The following HECW1 variants were observed in gnomAD, a reference collection of about 807,000 sequenced individuals.
HECW1 encodes the protein E3 ubiquitin-protein ligase HECW1.
Under a neutral mutation model 182.3 loss-of-function variants are expected in HECW1, and 61 were observed. That is an observed-to-expected ratio of 0.33 (90% CI 0.27 to 0.41). The LOEUF is 0.41. Ranked by LOEUF, HECW1 falls within the 10% of genes least tolerant of loss-of-function variation. HECW1 has a pLI of 1.00. For synonymous variants in HECW1, 859 were observed against 832.6 expected, an observed-to-expected ratio of 1.03 and a Z score of -0.55; for missense variants, 1,739 against 2,108.9, an observed-to-expected ratio of 0.82 and a Z score of 3.44.
intron 2 of HECW1, among the ~76,000 whole-genome samples, chr7:43,184,283 G>A (rs561498732): frequency 6.6e-6 from 1 of 152,188 alleles, no homozygotes; most frequent in South Asian, 2.1e-4. Flanking sequence ...AAAGTGCTGG[G>A]ATTACAGGCG....
chr7:43,274,293 GTACT>G (rs1393229913), intron 3 of HECW1: 2 of 1,038,576 alleles, frequency 1.9e-6, no homozygotes, highest in Non-Finnish European at 2.8e-6. Flanking sequence ...CCCGCTTCTG[GTACT>G]TTGTATCTCA....
chr7:43,188,795 G>A (rs1793639639), intron 2 of HECW1, among the ~76,000 whole-genome samples: 1 of 152,198 alleles, frequency 6.6e-6, no homozygotes, highest in Non-Finnish European at 1.5e-5. Context: ...GTGGCTGGAG[G>A]GGGAAGAACT....
intron 2 of HECW1, among the ~76,000 whole-genome samples, chr7:43,222,860 C>T (rs892489437): frequency 3.3e-5 from 5 of 152,136 alleles, no homozygotes; most frequent in African/African-American, 1.2e-4. Flanking sequence ...CACTCCCTGC[C>T]CTGGTCATCC....
At chr7:43,550,960 G>A (rs935192682) in intron 27 of HECW1, among the ~76,000 whole-genome samples, 1 of 152,232 alleles carries the variant, frequency 6.6e-6, no homozygotes, top group South Asian at 2.1e-4. Flanking sequence ...GACATTGGGG[G>A]GTATTGTCCA....
intron 24 of HECW1, among the ~76,000 whole-genome samples, chr7:43,530,747 C>T (rs190896148): frequency 6.6e-6 from 1 of 152,344 alleles, no homozygotes; most frequent in African/African-American, 2.4e-5. Flanking sequence ...CACCAAGCCA[C>T]TTCTTCCTGT....
chr7:43,152,401 T>A (rs530921900), intron 2 of HECW1, among the ~76,000 whole-genome samples: 1 of 152,228 alleles, frequency 6.6e-6, no homozygotes, highest in Admixed American at 6.5e-5. Context: ...ATAAGAGGCA[T>A]AAATTAATAA....
chr7:43,116,465 G>C (rs1007400878), intron 2 of HECW1, among the ~76,000 whole-genome samples: 4 of 152,182 alleles, frequency 2.6e-5, no homozygotes. Context: ...CTCATTATTT[G>C]CTCAAGCAAC....
At chr7:43,386,042 T>C (rs187924487) in intron 6 of HECW1, among the ~76,000 whole-genome samples, 1 of 152,350 alleles carries the variant, frequency 6.6e-6, no homozygotes, top group Non-Finnish European at 1.5e-5. Flanking sequence ...GTTTCCTGTT[T>C]CCTTGCTGAC....
In HECW1 at chr7:43,565,193, A is replaced by C. The variant is rs1450008434; in HGVS notation, c.*3267A>C. On this transcript the variant is annotated 3_prime_UTR_variant, in exon 30 of 30. Coordinates refer to ENST00000395891, the MANE Select transcript of HECW1 (RefSeq NM_015052.5). ...AGGAGAAGTATTCTAAATCTACTGA[A>C]CTCTTTGTAATTTCCTATGTATATA... The C allele has an allele frequency of 9.9e-6, 2 of 201,464 alleles. No individual in the cohort carries two copies. Among genetic ancestry groups the C allele is most frequent in the Non-Finnish European group, 2.0e-5 (2 of 97,918 alleles). 12.5% of individuals were successfully genotyped at this position (201,464 alleles called of 1,614,324 possible). A position where few individuals can be genotyped will look rare whatever the true frequency, so the allele number is the denominator to read the frequency against.
chr7:43,475,800 A>T (rs941522122), intron 16 of HECW1, among the ~76,000 whole-genome samples: 1 of 152,144 alleles, frequency 6.6e-6, no homozygotes, highest in Non-Finnish European at 1.5e-5. Flanking sequence ...CAAGCTCAAG[A>T]GATCCACCTA....
chr7:43,396,711 C>G, intron 6 of HECW1, 103 bp from the exon 7 acceptor site: 1 of 758,516 alleles, frequency 1.3e-6, no homozygotes. Flanking sequence ...TCTTCGTTGC[C>G]TGTAGCTGGT....
chr7:43,219,888 A>G lies in HECW1; in HGVS notation c.-31-23987A>G, dbSNP rs1255525440. ...GGGTGGTATCCTCCCTTACTACCACAAAAGGTTCTTTTGTGGGCAGGAAAT... is the reference window on the plus strand; with the variant it reads ...GGGTGGTATCCTCCCTTACTACCACGAAAGGTTCTTTTGTGGGCAGGAAAT... On this transcript the variant is annotated intron_variant, in intron 2 of 29. Transcript: ENST00000395891. 2.0e-5 allele frequency among the ~76,000 whole-genome samples: 3 copies of G among 152,172 alleles called. No individual in the cohort carries two copies. In the East Asian group the frequency reaches 5.8e-4, roughly 29 times the overall value.
At chr7:43,541,793 G>T (rs1385924359) in intron 25 of HECW1, 76 bp from the exon 26 acceptor site, 3 of 1,299,890 alleles carry the variant, frequency 2.3e-6, no homozygotes, top group African/African-American at 3.0e-5. Context: ...AGCCAGGAAT[G>T]ATATAACCAC....
At chr7:43,552,424 G>T in intron 28 of HECW1, 88 bp downstream of exon 28, 1 of 900,082 alleles carries the variant, frequency 1.1e-6, no homozygotes, top group Non-Finnish European at 1.9e-6. Flanking sequence ...TGAAATTGAT[G>T]TAAAATAAAA....
chr7:43,256,224 A>T (rs1485513360), intron 3 of HECW1, among the ~76,000 whole-genome samples: 2 of 152,238 alleles, frequency 1.3e-5, no homozygotes, highest in East Asian at 1.9e-4. Context: ...AAAAGTGAGT[A>T]TGTGGGTTTT....
intron 5 of HECW1, among the ~76,000 whole-genome samples, chr7:43,328,329 A>T (rs1433196186): frequency 1.6e-5 from 2 of 122,202 alleles, no homozygotes; most frequent in African/African-American, 5.6e-5. Flanking sequence ...AAACAAAAAA[A>T]ACAAGGGTTT....
intron 2 of HECW1, among the ~76,000 whole-genome samples, chr7:43,194,927 C>T (rs574963809): frequency 6.6e-6 from 1 of 152,168 alleles, no homozygotes; most frequent in Non-Finnish European, 1.5e-5. Context: ...CTCCTGACCT[C>T]AGGTAATCCG....
rs1554440504 is a variant in HECW1 at position 43,488,434 on chromosome 7, G to GAGAAAGAAAA, written c.3235-3632_3235-3631insAAGAAAGAAA. 1.1e-4 allele frequency among the ~76,000 whole-genome samples: 10 copies of GAGAAAGAAAA among 93,138 alleles called. No individual in the cohort carries two copies. In the East Asian group the frequency reaches 2.7e-3, roughly 25 times the overall value. 61.1% of individuals were successfully genotyped at this position (93,138 alleles called of 152,430 possible). On this transcript the variant is annotated intron_variant, in intron 17 of 29. Transcript: ENST00000395891. ...AAAGAGAGAGAGAGAAAGAAAGAAA[G>GAGAAAGAAAA]AGAAAGAAAGAAAGAAAGAAAGAAA...
At chr7:43,475,430 A>G (rs1320635295) in intron 16 of HECW1, among the ~76,000 whole-genome samples, 1 of 152,250 alleles carries the variant, frequency 6.6e-6, no homozygotes, top group Non-Finnish European at 1.5e-5. Flanking sequence ...TGTTGAAAAT[A>G]CATGTGAACA....
Sources: allele counts gnomAD v4.1 joint callset (sites outside exome capture counted in the v4.1 genomes callset), GRCh38; gene constraint gnomAD v4.1.1; transcripts MANE v1.5; gene names NCBI Gene and HGNC (gene_info 2026-07-23, HGNC 2026-07-21).